Variants in PPP1R37 observed in about 807,000 individuals in gnomAD.
The protein encoded by PPP1R37 is leucine rich repeat containing 68.
Under a neutral mutation model 61.0 loss-of-function variants are expected in PPP1R37, and 21 were observed. The ratio of observed to expected loss-of-function variants is 0.34; its 90% CI spans 0.24 to 0.50. The LOEUF (loss-of-function observed/expected upper bound fraction) is 0.50. PPP1R37 is among the 20% of genes least tolerant of loss of function. The probability of loss-of-function intolerance (pLI) is 0.98; values close to 1 mark genes in which losing one functional copy is unlikely to be tolerated. For missense variants in PPP1R37, 910 were observed against 952.7 expected (o/e 0.96, Z 0.59); for synonymous variants, 443 against 433.5 (o/e 1.02, Z -0.27).
intron 1 of PPP1R37, among the ~76,000 whole-genome samples, chr19:45,115,131 A>T (rs1270699943): frequency 6.6e-6 from 1 of 152,200 alleles, no homozygotes; most frequent in African/African-American, 2.4e-5. Context: ...CCTGCCTTCC[A>T]GGCTTATTGT....
At chr19:45,137,848 C>A (rs77401305) in intron 1 of PPP1R37, among the ~76,000 whole-genome samples, 14,053 of 144,690 alleles carry the variant, frequency 0.097, 753 homozygotes, top group South Asian at 0.13. Context: ...AAAAAAAAAA[C>A]AAACCAAGGA....
chr19:45,113,723 C>T (rs987208006), intron 1 of PPP1R37, among the ~76,000 whole-genome samples: 4 of 152,218 alleles, frequency 2.6e-5, no homozygotes, highest in Non-Finnish European at 5.9e-5. Flanking sequence ...CCTGAGTCTG[C>T]GTTCCCCTCC....
chr19:45,124,918 CTA>C (rs1247060777), intron 1 of PPP1R37, among the ~76,000 whole-genome samples: 6 of 151,980 alleles, frequency 3.9e-5, no homozygotes, highest in African/African-American at 1.5e-4. Context: ...CTGCAGTGAG[CTA>C]TGATTGAGCC....
chr19:45,097,838 A>G (rs1314223877), intron 1 of PPP1R37, among the ~76,000 whole-genome samples: 1 of 152,044 alleles, frequency 6.6e-6, no homozygotes, highest in Non-Finnish European at 1.5e-5. Flanking sequence ...CAGTTGTTGA[A>G]TGAGCGCCTG....
intron 1 of PPP1R37, among the ~76,000 whole-genome samples, chr19:45,095,758 TAAAAAAA>T (rs371559844): frequency 1.7e-5 from 2 of 117,114 alleles, no homozygotes; most frequent in Non-Finnish European, 3.6e-5. Flanking sequence ...GACCCGGTCT[TAAAAAAA>T]AAAAAAAAAA....
rs1040843187 is a variant in PPP1R37, at chr19:45,143,892, G to A, written c.987+259G>A. On this transcript the variant is annotated intron_variant, in intron 8 of 12. Coordinates refer to ENST00000221462, the MANE Select transcript of PPP1R37 (RefSeq NM_019121.2). ...GTCACCCAGGCTGGAGTGCAGTGGC[G>A]CCATCTAGGCTCACTGCAGCCACTC... 55 of 286,294 alleles carry A rather than the reference G, an allele frequency of 1.9e-4. 1 individual carries two copies. In the South Asian group the frequency reaches 2.6e-3, roughly 14 times the overall value. 17.7% of individuals were successfully genotyped at this position (286,294 alleles called of 1,614,324 possible). A position where few individuals can be genotyped will look rare whatever the true frequency, so the allele number is the denominator to read the frequency against.
intron 1 of PPP1R37, among the ~76,000 whole-genome samples, chr19:45,101,026 G>A (rs888757426): frequency 3.9e-5 from 6 of 152,254 alleles, no homozygotes; most frequent in Admixed American, 2.0e-4. Context: ...GCCGTGCCAC[G>A]TGTTACGAGT....
At chr19:45,100,538 A>G (rs999646526) in intron 1 of PPP1R37, among the ~76,000 whole-genome samples, 20 of 152,064 alleles carry the variant, frequency 1.3e-4, no homozygotes, top group African/African-American at 4.3e-4. Flanking sequence ...AGGTAAAGTA[A>G]TTTTCCTGAG....
chr19:45,143,440 G>C (rs1251937882), intron 7 of PPP1R37, 81 bp from the exon 8 acceptor site: 14 of 785,144 alleles, frequency 1.8e-5, no homozygotes, highest in Non-Finnish European at 2.9e-5. Flanking sequence ...CCTAAGCAGA[G>C]GGGGTTGCTC....
rs549790377 is a variant in PPP1R37, at chr19:45,103,034, A to G, written c.202+9507A>G. Among the ~76,000 whole-genome samples the G allele has an allele frequency of 5.3e-5, 8 of 152,276 alleles. No individual in the cohort carries two copies. In the South Asian group the frequency reaches 1.2e-3, roughly 24 times the overall value. The stretch of plus-strand genomic sequence containing the variant: ...TTCGAGAGATCCGTCATGCTTGGCT[A>G]TGTTTCGTACATTAAGTAGGAAGGT... On this transcript the variant is annotated intron_variant, in intron 1 of 12. Coordinates refer to ENST00000221462, the MANE Select transcript of PPP1R37 (RefSeq NM_019121.2).
At position 45,109,973 on chromosome 19, in the gene PPP1R37, G is replaced by A. The variant is rs892908258; in HGVS notation, c.202+16446G>A. On this transcript the variant is annotated intron_variant, in intron 1 of 12. Transcript: ENST00000221462. ...TTTGTGTGGCTCCTGTTGGCTTATG[G>A]CCTCCTGTCCCCATCCAGTGTAAGC... Among the ~76,000 whole-genome samples, 12 of 152,140 alleles carry A rather than the reference G, an allele frequency of 7.9e-5. 1 individual carries two copies. The South Asian group carries it at 1.7e-3, about 21-fold the overall frequency.
In PPP1R37 at chr19:45,121,641, G is replaced by C. The variant is rs1310789952; in HGVS notation, c.203-16873G>C. On this transcript the variant is annotated intron_variant, in intron 1 of 12. Transcript: ENST00000221462. This position sits in a 1 kb window ranked among gnomAD's most constrained non-coding sequence, Gnocchi z 4.2. The stretch of plus-strand genomic sequence containing the variant: ...AGAGATGTGTGGGCAGCTGTGTGCA[G>C]TGTATACAGGGAGTCCAGGGGCTGG... 6.6e-6 allele frequency among the ~76,000 whole-genome samples: 1 copy of C among 152,232 alleles called. No homozygotes were observed. The highest frequency in any genetic ancestry group is 6.5e-5 in the Admixed American group (1 of 15,292).
Position 45,145,243 on chromosome 19 carries a change from G to A in PPP1R37, c.1279G>A (p.Glu427Lys). Reference sequence around the variant, plus strand: ...ACTGCTGCGCCTGGACCTCGACCGTGAACCCAAGAAAGAGGCGGTGAGCAG... The same window carrying A: ...ACTGCTGCGCCTGGACCTCGACCGTAAACCCAAGAAAGAGGCGGTGAGCAG... Reference protein sequence around the residue: ...HSLLRLDLDREPKKEAVKSFI... With the variant: ...HSLLRLDLDRKPKKEAVKSFI... The change falls in exon 10 of 13, where the codon GAA (glutamate) becomes AAA (lysine). Residue 427 changes from glutamate (E) to lysine (K), a missense_variant. Physicochemically the swap from Glu to Lys is moderately conservative, Grantham distance 56. Transcript: ENST00000221462. 6.5e-7 allele frequency: 1 copy of A among 1,533,164 alleles called. No individual in the cohort carries two copies. The highest frequency in any genetic ancestry group is 8.7e-7 in the Non-Finnish European group (1 of 1,145,504). The allele number at this position is 1,533,164 out of a possible 1,614,324, so 95.0% of individuals were successfully genotyped here. A position where few individuals can be genotyped will look rare whatever the true frequency, so the allele number is the denominator to read the frequency against.
chr19:45,100,069 C>T (rs1968043304), intron 1 of PPP1R37: 1 of 152,258 alleles, frequency 6.6e-6, no homozygotes, highest in South Asian at 2.1e-4. Context: ...GCCAAATGCC[C>T]TGTGTTGGAC....
Position 45,145,812 on chromosome 19 carries a change from T to TCCCCC in PPP1R37, c.1757_1761dup (p.Thr588ProfsTer52). 1.6e-6 allele frequency: 2 copies of TCCCCC among 1,227,580 alleles called. No individual in the cohort carries two copies. Among genetic ancestry groups the TCCCCC allele is most frequent in the Non-Finnish European group, 2.2e-6 (2 of 922,062 alleles). 76.0% of individuals were successfully genotyped at this position (1,227,580 alleles called of 1,614,324 possible). Reference sequence around the variant, plus strand: ...GCCCGAGAGGGCAGAGCCCCCTGCGTCCCCCACCCCTCCCTCTCCCCCACC... The same window carrying TCCCCC: ...GCCCGAGAGGGCAGAGCCCCCTGCGTCCCCCCCCCCACCCCTCCCTCTCCCCCACC... On this transcript the variant is annotated frameshift_variant, in exon 11 of 13. Coordinates refer to ENST00000221462, the MANE Select transcript of PPP1R37 (RefSeq NM_019121.2). LOFTEE classifies it high-confidence loss of function.
At chr19:45,114,338 A>G (rs1446113517) in intron 1 of PPP1R37, among the ~76,000 whole-genome samples, 1 of 152,194 alleles carries the variant, frequency 6.6e-6, no homozygotes, top group Non-Finnish European at 1.5e-5. Flanking sequence ...TCTGGAACAC[A>G]TGCACTCCTT....
At chr19:45,099,744 A>G (rs75590476) in intron 1 of PPP1R37, among the ~76,000 whole-genome samples, 1 of 152,372 alleles carries the variant, frequency 6.6e-6, no homozygotes, top group East Asian at 1.9e-4. Flanking sequence ...GGGCTCGGGC[A>G]CGGGACACAT....
Position 45,145,823 on chromosome 19 carries a change from T to G in PPP1R37, c.1767T>G (p.Pro589=). Residue 589 remains proline, a synonymous_variant, in exon 11 of 13, where the codon CCT becomes CCG. Transcript: ENST00000221462. Reference sequence around the variant, plus strand: ...CAGAGCCCCCTGCGTCCCCCACCCCTCCCTCTCCCCCACCCCCTCCCTCCC... The same window carrying G: ...CAGAGCCCCCTGCGTCCCCCACCCCGCCCTCTCCCCCACCCCCTCCCTCCC... ...ERAEPPASPT[P]PSPPPPPSPP... 4.1e-6 allele frequency: 1 copy of G among 243,318 alleles called. No homozygotes were observed. The highest frequency in any genetic ancestry group is 5.8e-6 in the Non-Finnish European group (1 of 170,980). 15.1% of individuals were successfully genotyped at this position (243,318 alleles called of 1,614,324 possible). A position where few individuals can be genotyped will look rare whatever the true frequency, so the allele number is the denominator to read the frequency against.
rs116137454 is a variant in PPP1R37 at position 45,115,287 on chromosome 19, C to T, written c.202+21760C>T. Among the ~76,000 whole-genome samples the T allele has an allele frequency of 4.1e-3, 623 of 152,254 alleles. 4 individuals are homozygous for T. The highest frequency in any genetic ancestry group is 0.014 in the African/African-American group (595 of 41,532). On this transcript the variant is annotated intron_variant, in intron 1 of 12. Coordinates refer to ENST00000221462, the MANE Select transcript of PPP1R37 (RefSeq NM_019121.2). ...TGGTGGGTAGGTACCTGGCTTGGGT[C>T]AGGATATTGAACGCCTTAAACTCTT...
Sources: gnomAD v4.1 joint callset for allele counts (sites outside exome capture counted in the v4.1 genomes callset) on GRCh38, gnomAD v4.1.1 for gene constraint, Gnocchi (gnomAD v3.1) non-coding constraint, MANE v1.5 for transcripts, NCBI Gene and HGNC (gene_info 2026-07-23, HGNC 2026-07-21) for gene names.